PIK3C2B: variants seen among roughly 807,000 people sequenced by gnomAD.
The protein encoded by PIK3C2B is phosphatidylinositol-4-phosphate 3-kinase catalytic subunit type 2 beta.
A neutral mutation model predicts 184.3 loss-of-function variants in PIK3C2B; 83 were observed. The ratio of observed to expected loss-of-function variants is 0.45; its 90% confidence interval spans 0.38 to 0.54. The LOEUF (loss-of-function observed/expected upper bound fraction) is 0.54. Among genes scored for constraint, PIK3C2B ranks in the 20% least tolerant of loss-of-function variants. The pLI is 0.00. For synonymous variants in PIK3C2B, 779 were observed against 837.6 expected (o/e 0.93, Z 1.21); for missense variants, 1,736 against 2,113.5 (o/e 0.82, Z 3.50).
Position 204,449,889 on chromosome 1 carries a change from G to C in PIK3C2B, c.2195C>G (p.Ala732Gly), listed in dbSNP as rs761711313. 1.2e-6 allele frequency: 2 copies of C among 1,613,320 alleles called. No individual in the cohort carries two copies. Among genetic ancestry groups the C allele is most frequent in the Non-Finnish European group, 1.7e-6 (2 of 1,179,630 alleles). ...GAGTGGGGTAGTGACCCAGCCCAGG[G>C]CTTCAGGCACCCGCCGCTGCTTATT... ...EANKQRRVPEALGWVTTPLFN... is the reference protein window; with the variant it reads ...EANKQRRVPEGLGWVTTPLFN... Residue 732 changes from alanine (A) to glycine (G), a missense_variant, in exon 13 of 33, where the codon GCC becomes GGC. This residue lies in a region of PIK3C2B where 609 missense variants were observed against 699.2 expected (regional missense o/e 0.87). Transcript: ENST00000684373.
chr1:204,442,068 A>G (rs1675695019), intron 20 of PIK3C2B, among the ~76,000 whole-genome samples: 1 of 152,178 alleles, frequency 6.6e-6, no homozygotes, highest in Non-Finnish European at 1.5e-5. Context: ...ACACCTGCCT[A>G]GCCGCCCAAC....
At chr1:204,465,489 T>C (rs1655684603) in intron 2 of PIK3C2B, among the ~76,000 whole-genome samples, 170 bp from the exon 3 acceptor site, 1 of 152,242 alleles carries the variant, frequency 6.6e-6, no homozygotes, top group African/African-American at 2.4e-5. Flanking sequence ...ATGTATCTGC[T>C]GTCCTAGGAG....
At position 204,464,616 on chromosome 1, in the gene PIK3C2B, G is replaced by GA. The variant is rs761375423; in HGVS notation, c.1035-13dup. ...AGCCAGATCGAAGGCTGTACAGGAA[G>GA]AAAAAAAACCCTCACTGTGCCTTTA... On this transcript the variant is annotated splice_polypyrimidine_tract_variant and intron_variant, in intron 3 of 32. Transcript: ENST00000684373. 25 of 1,604,734 alleles carry GA rather than the reference G, an allele frequency of 1.6e-5. No individual in the cohort carries two copies. The highest frequency in any genetic ancestry group is 2.2e-5 in the East Asian group (1 of 44,832).
chr1:204,492,435 T>C lies in PIK3C2B; in HGVS notation c.-85+1921A>G, dbSNP rs143361437. Reference sequence around the variant, plus strand: ...GAGGAGCCTGAACCTTATAGCTAGTTACAAGCCCCTAAAAGGAACAGAGAC... The same window carrying C: ...GAGGAGCCTGAACCTTATAGCTAGTCACAAGCCCCTAAAAGGAACAGAGAC... On this transcript the variant is annotated intron_variant, in intron 1 of 32. Coordinates refer to ENST00000684373, the MANE Select transcript of PIK3C2B (RefSeq NM_001377334.1). 2.9e-3 allele frequency among the ~76,000 whole-genome samples: 442 copies of C among 152,268 alleles called. 2 individuals are homozygous for C. Among genetic ancestry groups the C allele is most frequent in the African/African-American group, 9.9e-3 (412 of 41,542 alleles).
chr1:204,458,490 G>A (rs912041887), intron 8 of PIK3C2B, among the ~76,000 whole-genome samples: 4 of 148,326 alleles, frequency 2.7e-5, no homozygotes, highest in Admixed American at 6.7e-5. Flanking sequence ...CAAAGGCTAT[G>A]ACAATTTTTT....
rs552261226 is a variant in PIK3C2B at position 204,456,334 on chromosome 1, G to A, written c.1748-283C>T. 12 of 282,798 alleles carry A rather than the reference G, an allele frequency of 4.2e-5. 1 individual carries two copies. Among genetic ancestry groups the A allele is most frequent in the South Asian group, 1.6e-4 (1 of 6,408 alleles). The allele number at this position is 282,798 out of a possible 1,614,324, so 17.5% of individuals were successfully genotyped here. ...AATGTCCTTTCTTTTAGGAAACAGTGTTAATAATTATTGTCAGTTGCTTCA... is the reference window on the plus strand; with the variant it reads ...AATGTCCTTTCTTTTAGGAAACAGTATTAATAATTATTGTCAGTTGCTTCA... On this transcript the variant is annotated intron_variant, in intron 10 of 32. Transcript: ENST00000684373.
chr1:204,449,317 G>A (rs1654154876), intron 13 of PIK3C2B, 21 bp from the exon 14 acceptor site: 2 of 1,562,816 alleles, frequency 1.3e-6, no homozygotes, highest in South Asian at 2.3e-5. Flanking sequence ...GGGAGAGTGG[G>A]AAGAGCTGCT....
At position 204,447,989 on chromosome 1, in the gene PIK3C2B, C is replaced by A. The variant is rs186995578; in HGVS notation, c.2347-411G>T. 1.2e-3 allele frequency among the ~76,000 whole-genome samples: 181 copies of A among 152,258 alleles called. No homozygotes were observed. Among genetic ancestry groups the A allele is most frequent in the African/African-American group, 3.7e-3 (152 of 41,550 alleles). ...GGCAAGACCACACACTGGGAGAAGG[C>A]CCTGGGACACTCGGTCCCTACTCTA... On this transcript the variant is annotated intron_variant, in intron 14 of 32. Transcript: ENST00000684373. The surrounding 1 kb of genome is among the most constrained non-coding windows in gnomAD (Gnocchi z 4.1).
At chr1:204,449,540 A>AG (rs1654171483) in intron 13 of PIK3C2B, among the ~76,000 whole-genome samples, 1 of 152,136 alleles carries the variant, frequency 6.6e-6, no homozygotes, top group Non-Finnish European at 1.5e-5. Flanking sequence ...TGCCTTCATG[A>AG]GGTGGGGAGG....
chr1:204,448,574 G>A (rs1654071357), intron 14 of PIK3C2B, among the ~76,000 whole-genome samples: 1 of 149,782 alleles, frequency 6.7e-6, no homozygotes, highest in African/African-American at 2.5e-5. Flanking sequence ...GGAGGCAGAG[G>A]TTGCAGTGAG....
intron 8 of PIK3C2B, 52 bp downstream of exon 8, chr1:204,459,826 G>A: frequency 6.9e-7 from 1 of 1,445,680 alleles, no homozygotes; most frequent in Non-Finnish European, 9.7e-7. Flanking sequence ...ACTGAGGAAG[G>A]GGAGAGGAGG....
intron 12 of PIK3C2B, among the ~76,000 whole-genome samples, chr1:204,450,633 G>A (rs985370460): frequency 3.9e-5 from 6 of 152,072 alleles, no homozygotes; most frequent in African/African-American, 1.4e-4. Context: ...ACAAAGAGGA[G>A]GGGTTTCTCC....
chr1:204,478,046 C>T (rs1387317897), intron 1 of PIK3C2B, among the ~76,000 whole-genome samples: 1 of 152,164 alleles, frequency 6.6e-6, no homozygotes, highest in Non-Finnish European at 1.5e-5. Flanking sequence ...TTCAAGCCCC[C>T]AGTCTTGGGC....
At chr1:204,450,897 C>G (rs1312843190) in intron 12 of PIK3C2B, among the ~76,000 whole-genome samples, 1 of 152,234 alleles carries the variant, frequency 6.6e-6, no homozygotes, top group African/African-American at 2.4e-5. Flanking sequence ...TACTGTCACA[C>G]CCTCCTGGCC....
At chr1:204,483,452 T>C (rs1370242635) in intron 1 of PIK3C2B, among the ~76,000 whole-genome samples, 1 of 146,724 alleles carries the variant, frequency 6.8e-6, no homozygotes, top group Non-Finnish European at 1.5e-5. Flanking sequence ...ATCTCCTCAC[T>C]TTTATTCTCA....
chr1:204,489,030 C>T (rs529190777), intron 1 of PIK3C2B, among the ~76,000 whole-genome samples: 1 of 152,286 alleles, frequency 6.6e-6, no homozygotes, highest in African/African-American at 2.4e-5. Flanking sequence ...ACTCGAGCCT[C>T]ATGAACATTT....
Position 204,454,790 on chromosome 1 carries a change from A to G in PIK3C2B, c.1945T>C (p.Tyr649His), listed in dbSNP as rs1654685593. ...HRIPIIWATS[Y>H]EDFYLSCSLS... ...GAGCAGGAGAGGTAGAAATCTTCAT[A>G]GCTATAAAAGAAAGGGAGCAGGTCA... Residue 649 changes from tyrosine (Y) to histidine (H), a missense_variant and splice_region_variant, in exon 12 of 33, where the codon TAT becomes CAT. Tyr to His is a moderately conservative substitution (Grantham distance 83). Around this residue, in one of 8 missense-constraint regions of PIK3C2B, gnomAD observed 609 missense variants for 699.2 expected, o/e 0.87. Transcript: ENST00000684373. 1 of 1,610,964 alleles carries G rather than the reference A, an allele frequency of 6.2e-7. No individual in the cohort carries two copies. Among genetic ancestry groups the G allele is most frequent in the Non-Finnish European group, 8.5e-7 (1 of 1,179,814 alleles).
At chr1:204,483,192 C>T (rs1198724768) in intron 1 of PIK3C2B, among the ~76,000 whole-genome samples, 2 of 152,090 alleles carry the variant, frequency 1.3e-5, no homozygotes, top group Non-Finnish European at 2.9e-5. Flanking sequence ...GAGGCCAAAG[C>T]AGGACGATCG....
chr1:204,424,952 A>G lies in PIK3C2B; in HGVS notation c.4805T>C (p.Val1602Ala). Residue 1602 changes from valine (V) to alanine (A), a missense_variant, in exon 33 of 33, where the codon GTC becomes GCC. Around this residue, in one of 8 missense-constraint regions of PIK3C2B, gnomAD observed 95 missense variants for 164.2 expected, o/e 0.58. Transcript: ENST00000684373. ...GCGGATGTTCACCTCACCGAGGAGG[A>G]CGTTCTCCCAGAATCCCTGCTCACT... ...VLSEQGFWEN[V>A]LLGEVNIRLR... The G allele has an allele frequency of 6.2e-7, 1 of 1,614,188 alleles. No individual in the cohort carries two copies. Among genetic ancestry groups the G allele is most frequent in the Non-Finnish European group, 8.5e-7 (1 of 1,180,010 alleles).
Sources: gnomAD v4.1 joint callset for allele counts (sites outside exome capture counted in the v4.1 genomes callset) on GRCh38, gnomAD v4.1.1 for gene constraint, gnomAD v4.1.1 regional missense constraint, Gnocchi (gnomAD v3.1) non-coding constraint, MANE v1.5 for transcripts, NCBI Gene and HGNC (gene_info 2026-07-23, HGNC 2026-07-21) for gene names.